Variants in MKLN1 observed in about 807,000 individuals in gnomAD.
The protein encoded by MKLN1 is muskelin.
Under a neutral mutation model 99.0 loss-of-function variants are expected in MKLN1, and 18 were observed. The observed-to-expected ratio is 0.18, with a 90% CI of 0.13 to 0.27. The LOEUF (loss-of-function observed/expected upper bound fraction) is 0.27, where lower values mean the gene tolerates loss of function less well. Among genes scored for constraint, MKLN1 ranks in the 10% least tolerant of loss-of-function variants. The pLI is 1.00. For synonymous variants in MKLN1, 288 were observed against 293.2 expected, an observed-to-expected ratio of 0.98 and a Z score of 0.18; for missense variants, 621 against 875.9, an observed-to-expected ratio of 0.71 and a Z score of 3.67.
intron 15 of MKLN1, among the ~76,000 whole-genome samples, chr7:131,469,357 A>G (rs1411281459): frequency 6.6e-6 from 1 of 152,198 alleles, no homozygotes; most frequent in Non-Finnish European, 1.5e-5. Flanking sequence ...AAGAGAAAGA[A>G]TCTTCTTAGA....
chr7:131,212,338 C>T (rs1486423638), intron 3 of MKLN1, among the ~76,000 whole-genome samples: 6 of 152,190 alleles, frequency 3.9e-5, no homozygotes, highest in Non-Finnish European at 7.3e-5. Context: ...CAATCACTCA[C>T]ACAGCAGGAA....
intron 1 of MKLN1, among the ~76,000 whole-genome samples, chr7:131,374,117 C>T (rs1199130281): frequency 6.6e-6 from 1 of 152,224 alleles, no homozygotes. Flanking sequence ...ATACTGCTCC[C>T]TTCTTCTGCC....
chr7:131,354,161 G>T (rs1190338843), intron 1 of MKLN1, among the ~76,000 whole-genome samples: 2 of 152,016 alleles, frequency 1.3e-5, no homozygotes, highest in Admixed American at 6.6e-5. Context: ...ATGTCTAAAA[G>T]AAATCTTGCT....
chr7:131,360,118 G>A lies in MKLN1; in HGVS notation c.99-15306G>A, dbSNP rs77110217. Among the ~76,000 whole-genome samples, 1,007 of 152,154 alleles carry A rather than the reference G, an allele frequency of 6.6e-3. 11 individuals carry two copies. The highest frequency in any genetic ancestry group is 0.023 in the African/African-American group (937 of 41,514). On this transcript the variant is annotated intron_variant, in intron 1 of 17. Coordinates refer to ENST00000352689, the MANE Select transcript of MKLN1 (RefSeq NM_013255.5). ...GCTTTGTCTGATATTAATTAATATAGCTATTCCAGTTTTCTATTTAAAGAA... is the reference window on the plus strand; with the variant it reads ...GCTTTGTCTGATATTAATTAATATAACTATTCCAGTTTTCTATTTAAAGAA...
At chr7:131,408,884 T>A (rs1302897113) in intron 6 of MKLN1, among the ~76,000 whole-genome samples, 1 of 152,232 alleles carries the variant, frequency 6.6e-6, no homozygotes, top group African/African-American at 2.4e-5. Context: ...GAAGTGATAT[T>A]GGACCTGGAG....
intron 10 of MKLN1, among the ~76,000 whole-genome samples, chr7:131,438,393 A>G (rs929137040): frequency 6.0e-5 from 9 of 151,198 alleles, no homozygotes; most frequent in African/African-American, 1.9e-4. Flanking sequence ...TGAAATCTAG[A>G]GCTTTTCTTC....
chr7:131,318,034 A>T (rs1486041056), intron 3 of MKLN1, among the ~76,000 whole-genome samples: 1 of 152,156 alleles, frequency 6.6e-6, no homozygotes, highest in Non-Finnish European at 1.5e-5. Context: ...CCACACTGTC[A>T]ATATTAGACA....
At chr7:131,354,126 T>C (rs1374555713) in intron 1 of MKLN1, among the ~76,000 whole-genome samples, 2 of 152,162 alleles carry the variant, frequency 1.3e-5, no homozygotes, top group Admixed American at 6.5e-5. Context: ...GTGTTTTATG[T>C]GTAAATTTCA....
chr7:131,202,029 G>A (rs966372251), intron 2 of MKLN1, among the ~76,000 whole-genome samples: 1 of 152,054 alleles, frequency 6.6e-6, no homozygotes, highest in Admixed American at 6.6e-5. Flanking sequence ...ACTAGGGTCT[G>A]CGGGTGAAAG....
At chr7:131,126,997 C>G (rs1795471445) in intron 1 of MKLN1, among the ~76,000 whole-genome samples, 1 of 152,062 alleles carries the variant, frequency 6.6e-6, no homozygotes, top group Non-Finnish European at 1.5e-5. Flanking sequence ...AAAACTCCGT[C>G]TCTACTAAAA....
intron 1 of MKLN1, among the ~76,000 whole-genome samples, chr7:131,359,736 T>A (rs1584647277): frequency 6.6e-6 from 1 of 151,960 alleles, no homozygotes; most frequent in African/African-American, 2.4e-5. Flanking sequence ...CTCTTTTATT[T>A]TTTTTTTTAT....
chr7:131,380,854 G>T (rs1426357318), intron 2 of MKLN1, among the ~76,000 whole-genome samples: 5 of 152,072 alleles, frequency 3.3e-5, no homozygotes, highest in African/African-American at 1.2e-4. Context: ...AAGTATTTTG[G>T]TTTCATATAC....
intron 1 of MKLN1, 63 bp downstream of exon 1, chr7:131,328,060 G>A (rs1024882400): frequency 3.2e-5 from 50 of 1,565,184 alleles, no homozygotes; most frequent in African/African-American, 1.1e-4. Flanking sequence ...TTGGGCCAGG[G>A]GTGCAATGGA....
intron 3 of MKLN1, among the ~76,000 whole-genome samples, chr7:131,266,440 C>G (rs1375058368): frequency 6.6e-6 from 1 of 152,148 alleles, no homozygotes; most frequent in Admixed American, 6.6e-5. Flanking sequence ...ACCTAATACA[C>G]AATAAATACT....
Position 131,120,394 on chromosome 7 carries a change from A to C in MKLN1, c.-419+10187A>C, listed in dbSNP as rs546139360. Among the ~76,000 whole-genome samples the C allele has an allele frequency of 1.1e-3, 145 of 132,904 alleles. 1 individual carries two copies. Among genetic ancestry groups the C allele is most frequent in the Middle Eastern group, 4.8e-3 (1 of 210 alleles). 87.2% of individuals were successfully genotyped at this position (132,904 alleles called of 152,430 possible). ...ACAAAAAAACAAACAAACAAACAAA[A>C]AAAAACTAGCCAGGTGTGGCGGTGG... On this transcript the variant is annotated intron_variant, in intron 1 of 7. Coordinates refer to the MKLN1 transcript ENST00000416992.
chr7:131,199,296 G>A (rs1796692223), intron 2 of MKLN1, among the ~76,000 whole-genome samples: 1 of 151,444 alleles, frequency 6.6e-6, no homozygotes. Context: ...TTAATATGTT[G>A]CCCAGACTGG....
chr7:131,339,528 G>A (rs543011178), intron 1 of MKLN1, among the ~76,000 whole-genome samples: 6 of 152,060 alleles, frequency 3.9e-5, no homozygotes, highest in Non-Finnish European at 4.4e-5. Flanking sequence ...GTGAAACCCC[G>A]TCTCTACTAA....
intron 9 of MKLN1, among the ~76,000 whole-genome samples, chr7:131,431,544 G>A (rs1795522265): frequency 6.6e-6 from 1 of 152,138 alleles, no homozygotes; most frequent in South Asian, 2.1e-4. Flanking sequence ...GCTAGCCAGA[G>A]CTTGTTCTCA....
chr7:131,179,924 G>A (rs538704827), intron 2 of MKLN1, among the ~76,000 whole-genome samples: 19 of 151,664 alleles, frequency 1.3e-4, no homozygotes, highest in East Asian at 3.9e-4. Context: ...ACAAGGTCTC[G>A]CTCTGTCATC....
Sources: allele counts gnomAD v4.1 joint callset (sites outside exome capture counted in the v4.1 genomes callset), GRCh38; gene constraint gnomAD v4.1.1; transcripts MANE v1.5; gene names NCBI Gene and HGNC (gene_info 2026-07-23, HGNC 2026-07-21).